The following KLHL38 variants were observed in gnomAD, a reference collection of about 807,000 sequenced individuals.
KLHL38 encodes kelch like family member 38.
KLHL38 carries 38 observed loss-of-function variants against 39.6 expected under a neutral mutation model. The ratio of observed to expected loss-of-function variants is 0.96; its 90% confidence interval spans 0.74 to 1.26. KLHL38 has a LOEUF of 1.26. Ranked by LOEUF, KLHL38 falls within the 50% of genes most tolerant of loss-of-function variation. The pLI, the probability that KLHL38 is intolerant of heterozygous loss-of-function variation, is 0.00. For synonymous variants in KLHL38, 322 were observed against 302.2 expected (o/e 1.07, Z -0.68); for missense variants, 803 against 748.1 (o/e 1.07, Z -0.86).
In KLHL38 at chr8:123,653,800, A is replaced by G. The variant is rs1384555559; in HGVS notation, c.-216T>C. ...GGACTGCTGGGCAGGGAGACAGTGT[A>G]TACATTCCAGGGCTAAGAATAGTTG... On this transcript the variant is annotated 5_prime_UTR_variant, in exon 1 of 4. Coordinates refer to ENST00000684634, the MANE Select transcript of KLHL38 (RefSeq NM_001081675.3). Among the ~76,000 whole-genome samples, 1 of 152,266 alleles carries G rather than the reference A, an allele frequency of 6.6e-6. No individual in the cohort carries two copies. Among genetic ancestry groups the G allele is most frequent in the African/African-American group, 2.4e-5 (1 of 41,476 alleles).
At chr8:123,650,486 G>A (rs1812623916) in intron 2 of KLHL38, among the ~76,000 whole-genome samples, 1 of 152,118 alleles carries the variant, frequency 6.6e-6, no homozygotes. Context: ...TTGCAACTGA[G>A]GGTTATGTGT....
rs868675153 is a variant in KLHL38, at chr8:123,645,035, T to A, written c.*704A>T. ...AGAGAGAGGAAGACAGAGGGGAGAC[T>A]GAGAGAGAGAGAGAGAGAGAGGGGC... is the stretch of plus-strand genomic sequence containing the variant. On this transcript the variant is annotated 3_prime_UTR_variant, in exon 4 of 4. Coordinates refer to ENST00000684634, the MANE Select transcript of KLHL38 (RefSeq NM_001081675.3). Among the ~76,000 whole-genome samples the A allele has an allele frequency of 1.5e-4, 22 of 143,554 alleles. No homozygotes were observed. The highest frequency in any genetic ancestry group is 6.9e-4 in the South Asian group (3 of 4,362). 94.2% of individuals were successfully genotyped at this position (143,554 alleles called of 152,430 possible). A position where few individuals can be genotyped will look rare whatever the true frequency, so the allele number is the denominator to read the frequency against.
At chr8:123,646,160 G>T (rs77201406) in intron 3 of KLHL38, 132 bp from the exon 4 acceptor site, 108,769 of 821,180 alleles carry the variant, frequency 0.13, 8,316 homozygotes, top group African/African-American at 0.24. Flanking sequence ...CACGTGGGAT[G>T]TTGAGCTAAC....
Position 123,652,866 on chromosome 8 carries a change from A to T in KLHL38, c.61T>A (p.Leu21Met), listed in dbSNP as rs1812681167. The T allele has an allele frequency of 6.2e-7, 1 of 1,606,390 alleles. No homozygotes were observed. The highest frequency in any genetic ancestry group is 8.5e-7 in the Non-Finnish European group (1 of 1,179,952). The change falls in exon 2 of 4, where the codon TTG (leucine) becomes ATG (methionine). Residue 21 changes from leucine to methionine, a missense_variant. Leu to Met is a conservative substitution (Grantham distance 15). Transcript: ENST00000684634. ...TGCCTTAAGCTGTTGAGCTGCCTCA[A>T]CAAGTCAGAAGAGAAGTCGTGGTCT... ...FKDHDFSSDL[L>M]RQLNSLRQSR...
At position 123,651,668 on chromosome 8, in the gene KLHL38, C is replaced by T; in HGVS notation, c.1259G>A (p.Gly420Glu). ...VWESMASMPV[G>E]VLHPAVAVKD... Reference sequence around the variant, plus strand: ...CACAGCGACTGCGGGGTGGAGCACCCCCACGGGCATGCTGGCCATACTCTC... The same window carrying T: ...CACAGCGACTGCGGGGTGGAGCACCTCCACGGGCATGCTGGCCATACTCTC... The change falls in exon 2 of 4, where the codon GGG becomes GAG. Residue 420 changes from glycine (G) to glutamate (E), a missense_variant. Physicochemically the swap from Gly to Glu is moderately conservative, Grantham distance 98. Coordinates refer to ENST00000684634, the MANE Select transcript of KLHL38 (RefSeq NM_001081675.3). The T allele has an allele frequency of 6.2e-7, 1 of 1,614,126 alleles. No individual in the cohort carries two copies. The highest frequency in any genetic ancestry group is 2.2e-5 in the East Asian group (1 of 44,884).
At chr8:123,653,031 A>G in intron 1 of KLHL38, 104 bp from the exon 2 acceptor site, 4 of 1,145,122 alleles carry the variant, frequency 3.5e-6, no homozygotes, top group Non-Finnish European at 3.6e-6. Flanking sequence ...CAGTGCTCCT[A>G]TTCCATTCCC....
At chr8:123,646,831 ATCTG>A in intron 3 of KLHL38, 74 bp downstream of exon 3, 1 of 880,876 alleles carries the variant, frequency 1.1e-6, no homozygotes, top group Non-Finnish European at 1.8e-6. Flanking sequence ...GTAGAATAAC[ATCTG>A]TCTATGAGTG....
chr8:123,653,083 G>T, intron 1 of KLHL38, 156 bp from the exon 2 acceptor site: 2 of 760,972 alleles, frequency 2.6e-6, no homozygotes, highest in Non-Finnish European at 4.0e-6. Flanking sequence ...GTGTAGGGAA[G>T]ATTGGAAAGG....
At position 123,651,873 on chromosome 8, in the gene KLHL38, T is replaced by A. The variant is rs11784175; in HGVS notation, c.1054A>T (p.Asn352Tyr). The A allele has an allele frequency of 0.12, 196,718 of 1,614,066 alleles. 12,728 individuals carry two copies. The highest frequency in any genetic ancestry group is 0.14 in the Non-Finnish European group (160,919 of 1,179,974). Residue 352 changes from asparagine (N) to tyrosine (Y), a missense_variant, in exon 2 of 4, where the codon AAT becomes TAT. Asn to Tyr is a moderately radical substitution (Grantham distance 143). Coordinates refer to ENST00000684634, the MANE Select transcript of KLHL38 (RefSeq NM_001081675.3). The part of the protein sequence containing the change: ...VSSGRSLVSH[N>Y]VYIFSLKLNQ... ...AGTTTCAGGGAGAAGATGTAGACAT[T>A]GTGACTGACCAGACTCCTCCCTGAG...
At chr8:123,647,848 GT>G (rs559345614) in intron 2 of KLHL38, among the ~76,000 whole-genome samples, 1 of 152,328 alleles carries the variant, frequency 6.6e-6, no homozygotes, top group Admixed American at 6.5e-5. Context: ...GGAGGCCAAG[GT>G]GGGTGGATCA....
chr8:123,648,445 A>G (rs1818697331), intron 2 of KLHL38, among the ~76,000 whole-genome samples: 1 of 152,226 alleles, frequency 6.6e-6, no homozygotes. Flanking sequence ...TGCTAGAGGA[A>G]GGGAAGGTCA....
chr8:123,646,909 C>G lies in KLHL38; in HGVS notation c.1456G>C (p.Gly486Arg). 1 of 1,607,512 alleles carries G rather than the reference C, an allele frequency of 6.2e-7. No homozygotes were observed. Among genetic ancestry groups the G allele is most frequent in the South Asian group, 1.1e-5 (1 of 90,476 alleles). The change falls in exon 3 of 4, where the codon GGT becomes CGT. Residue 486 changes from glycine to arginine, a missense_variant and splice_region_variant. By Grantham distance (125) the Gly-to-Arg change is moderately radical. Coordinates refer to ENST00000684634, the MANE Select transcript of KLHL38 (RefSeq NM_001081675.3). The part of the protein sequence containing the change: ...VLGERIVIVG[G>R]YTRRILAYDP... ...CCAGTGATCCTCTGTTCAGACTCAC[C>G]TCCCACAATGACAATCCGCTCCCCA...
Position 123,646,610 on chromosome 8 carries a change from A to G in KLHL38, c.1456+299T>C, listed in dbSNP as rs1413592362. 2.6e-5 allele frequency among the ~76,000 whole-genome samples: 4 copies of G among 152,208 alleles called. No individual in the cohort carries two copies. In the East Asian group the frequency reaches 7.7e-4, roughly 29 times the overall value. On this transcript the variant is annotated intron_variant, in intron 3 of 3. Coordinates refer to ENST00000684634, the MANE Select transcript of KLHL38 (RefSeq NM_001081675.3). ...AGTAGCTAATATTATAAGCAGAAGCAAACATGTTTTATTTACCGTGTATCT... is the reference window on the plus strand; with the variant it reads ...AGTAGCTAATATTATAAGCAGAAGCGAACATGTTTTATTTACCGTGTATCT...
intron 2 of KLHL38, among the ~76,000 whole-genome samples, chr8:123,651,133 C>A (rs543090297): frequency 6.6e-6 from 1 of 152,308 alleles, no homozygotes; most frequent in Admixed American, 6.5e-5. Context: ...CTTCTTCCCT[C>A]CCTCCCTTCC....
chr8:123,646,209 C>T lies in KLHL38; in HGVS notation c.1457-181G>A, dbSNP rs542428036. 1.6e-4 allele frequency among the ~76,000 whole-genome samples: 25 copies of T among 152,310 alleles called. No homozygotes were observed. The South Asian group carries it at 3.5e-3, about 21-fold the overall frequency. ...CTTTGTGGCAGAGTGGGGGCTGGCA[C>T]GCAAATCTGCCTGACTCTGACCTTC... On this transcript the variant is annotated intron_variant, in intron 3 of 3. Transcript: ENST00000684634.
rs1433987325 is a variant in KLHL38, at chr8:123,652,482, C to T, written c.445G>A (p.Glu149Lys). Residue 149 changes from glutamate (E) to lysine (K), a missense_variant, in exon 2 of 4, where the codon GAG becomes AAG. By Grantham distance (56) the Glu-to-Lys change is moderately conservative. Coordinates refer to ENST00000684634, the MANE Select transcript of KLHL38 (RefSeq NM_001081675.3). Reference protein sequence around the residue: ...MIRLSEILSCETLKKKAREVA... With the variant: ...MIRLSEILSCKTLKKKAREVA... ...TCCCTGGCTTTCTTCTTGAGGGTCT[C>T]GCAGCTTAAGATTTCTGAGAGTCTG... The T allele has an allele frequency of 2.5e-6, 4 of 1,614,198 alleles. No homozygotes were observed. The highest frequency in any genetic ancestry group is 1.7e-5 in the Admixed American group (1 of 60,034).
rs748757349 is a variant in KLHL38, at chr8:123,652,879, G to T, written c.48C>A (p.Phe16Leu). 4 of 1,603,774 alleles carry T rather than the reference G, an allele frequency of 2.5e-6. No individual in the cohort carries two copies. Among genetic ancestry groups the T allele is most frequent in the Non-Finnish European group, 3.4e-6 (4 of 1,179,906 alleles). Residue 16 changes from phenylalanine (F) to leucine (L), a missense_variant, in exon 2 of 4, where the codon TTC becomes TTA. Transcript: ENST00000684634. The stretch of plus-strand genomic sequence containing the variant: ...TGAGCTGCCTCAACAAGTCAGAAGA[G>T]AAGTCGTGGTCTTTGAAGAGCAGCC... ...LDGLLFKDHDFSSDLLRQLNS... is the reference protein window; with the variant it reads ...LDGLLFKDHDLSSDLLRQLNS...
At position 123,652,224 on chromosome 8, in the gene KLHL38, A is replaced by C; in HGVS notation, c.703T>G (p.Phe235Val). The C allele has an allele frequency of 1.2e-6, 2 of 1,614,164 alleles. No homozygotes were observed. The highest frequency in any genetic ancestry group is 1.7e-6 in the Non-Finnish European group (2 of 1,180,030). The change falls in exon 2 of 4, where the codon TTC (phenylalanine) becomes GTC (valine). Residue 235 changes from phenylalanine to valine, a missense_variant. By Grantham distance (50) the Phe-to-Val change is conservative. Coordinates refer to ENST00000684634, the MANE Select transcript of KLHL38 (RefSeq NM_001081675.3). ...QYIHPAFFHH[F>V]IANDALLQSS... The stretch of plus-strand genomic sequence containing the variant: ...TGCAGGAGGGCATCGTTGGCGATGA[A>C]GTGGTGAAAGAAGGCTGGGTGGATG...
In KLHL38 at chr8:123,645,397, A is replaced by C. The variant is rs1356160030; in HGVS notation, c.*342T>G. 3.5e-6 allele frequency: 1 copy of C among 283,114 alleles called. No individual in the cohort carries two copies. Among genetic ancestry groups the C allele is most frequent in the African/African-American group, 2.1e-5 (1 of 46,770 alleles). The allele number at this position is 283,114 out of a possible 1,614,324, so 17.5% of individuals were successfully genotyped here. On this transcript the variant is annotated 3_prime_UTR_variant, in exon 4 of 4. Transcript: ENST00000684634. ...GGTTTCAGTGAGCTGAGATAGCACCACTGCACTCCAGCCTGGGCTACAGAG... is the reference window on the plus strand; with the variant it reads ...GGTTTCAGTGAGCTGAGATAGCACCCCTGCACTCCAGCCTGGGCTACAGAG...
Sources: gnomAD v4.1 joint callset for allele counts (sites outside exome capture counted in the v4.1 genomes callset) on GRCh38, gnomAD v4.1.1 for gene constraint, MANE v1.5 for transcripts, NCBI Gene and HGNC (gene_info 2026-07-23, HGNC 2026-07-21) for gene names.